Variants in TENM1 observed in about 807,000 individuals in gnomAD.
TENM1 encodes the protein teneurin transmembrane protein 1.
Under a neutral mutation model 174.8 loss-of-function variants are expected in TENM1, and 35 were observed. That is an observed-to-expected ratio of 0.20 (90% CI 0.15 to 0.27). The LOEUF (loss-of-function observed/expected upper bound fraction) is 0.27, where lower values mean the gene tolerates loss of function less well. Ranked by LOEUF, TENM1 falls within the 10% of genes least tolerant of loss-of-function variation. The pLI, the probability that TENM1 is intolerant of heterozygous loss-of-function variation, is 1.00. For synonymous variants in TENM1, 781 were observed against 798.7 expected (o/e 0.98, Z 0.37); for missense variants, 1,633 against 2,130.1 (o/e 0.77, Z 4.59).
intron 27 of TENM1, among the ~76,000 whole-genome samples, chrX:124,403,781 C>G (rs1358368177): frequency 9.0e-6 from 1 of 111,100 alleles, no homozygotes. Context: ...TTTCAATTAC[C>G]TACTCCACCC....
At chrX:125,086,252 T>C in the TENM1 span, among the ~76,000 whole-genome samples, 1 of 111,351 alleles carries the variant, frequency 9.0e-6, no homozygotes, top group African/African-American at 3.2e-5. Flanking sequence ...CTTATTCATG[T>C]TTTAAAAACA....
intron 11 of TENM1, among the ~76,000 whole-genome samples, chrX:124,624,558 T>TA (rs2050593725): frequency 8.9e-6 from 1 of 111,891 alleles, no homozygotes; most frequent in Non-Finnish European, 1.9e-5. Flanking sequence ...ATTTTACAGA[T>TA]ATGGACAATG....
At chrX:124,970,089 A>G in the TENM1 span, among the ~76,000 whole-genome samples, 1 of 111,614 alleles carries the variant, frequency 9.0e-6, no homozygotes, top group Non-Finnish European at 1.9e-5. Flanking sequence ...ATTGTTTTGA[A>G]TCCATGGACC....
chrX:124,778,199 A>T (rs2054827229), intron 3 of TENM1, among the ~76,000 whole-genome samples: 1 of 112,776 alleles, frequency 8.9e-6, no homozygotes, highest in African/African-American at 3.2e-5. Context: ...AGAATCTGCA[A>T]CTGGCCTGCG....
At chrX:124,590,228 T>A (rs1003869565) in intron 11 of TENM1, among the ~76,000 whole-genome samples, 2 of 111,657 alleles carry the variant, frequency 1.8e-5, no homozygotes, top group African/African-American at 6.5e-5. Flanking sequence ...TTTTGAGAGA[T>A]CTTCTCAGTA....
At chrX:124,895,863 G>C (rs1189863644) in intron 2 of TENM1, 118 bp downstream of exon 5, 2 of 895,597 alleles carry the variant, frequency 2.2e-6, no homozygotes, top group East Asian at 6.3e-5. Context: ...CTGCTAACTT[G>C]TATTTCCATT....
chrX:124,515,002 T>C (rs1299557068), intron 18 of TENM1, among the ~76,000 whole-genome samples: 6 of 111,545 alleles, frequency 5.4e-5, no homozygotes. Context: ...TAATCCACTA[T>C]GTTCAAGTAT....
chrX:124,588,644 T>C (rs2148245092), intron 11 of TENM1, among the ~76,000 whole-genome samples: 1 of 110,774 alleles, frequency 9.0e-6, no homozygotes, highest in Admixed American at 9.6e-5. Flanking sequence ...TATACATATG[T>C]AACTAACCTG....
the TENM1 span, among the ~76,000 whole-genome samples, chrX:125,160,571 AG>A: frequency 1.1e-5 from 1 of 94,343 alleles, no homozygotes; most frequent in African/African-American, 3.8e-5. Flanking sequence ...AAAAAAAAAC[AG>A]AGAGAGAGAG....
chrX:125,192,430 CAG>C, the TENM1 span, among the ~76,000 whole-genome samples: 1 of 111,860 alleles, frequency 8.9e-6, no homozygotes, highest in African/African-American at 3.2e-5. Flanking sequence ...AGAGAGCAGA[CAG>C]ATCATAAGAT....
intron 3 of TENM1, among the ~76,000 whole-genome samples, chrX:124,815,969 G>A (rs926867906): frequency 9.8e-5 from 11 of 111,836 alleles, no homozygotes; most frequent in African/African-American, 3.6e-4. Flanking sequence ...AGATTTGGAA[G>A]TAAGTAAAAG....
chrX:124,478,207 T>G (rs1009512105), intron 22 of TENM1, among the ~76,000 whole-genome samples: 2 of 112,623 alleles, frequency 1.8e-5, no homozygotes, highest in Middle Eastern at 4.6e-3. Flanking sequence ...CCTGTCTATC[T>G]TCGTGTTCGG....
chrX:124,563,598 A>G lies in TENM1; in HGVS notation c.2287+151T>C, dbSNP rs1183196697. ...AATTACCTTTTAGTGTGACTATTTT[A>G]GCATGAAACTGACAACATTATATTT... On this transcript the variant is annotated intron_variant, in intron 13 of 31. Coordinates refer to ENST00000422452, the Ensembl canonical transcript of TENM1. 6.7e-6 allele frequency: 3 copies of G among 446,614 alleles called. No homozygotes were observed. The East Asian group carries it at 1.2e-4, about 18-fold the overall frequency. 36.8% of individuals were successfully genotyped at this position (446,614 alleles called of 1,213,427 possible).
chrX:124,506,489 T>C (rs149899569), intron 18 of TENM1, among the ~76,000 whole-genome samples: 6 of 111,678 alleles, frequency 5.4e-5, no homozygotes, highest in African/African-American at 1.6e-4. Context: ...CCACAGCAAA[T>C]AGCAACAAGG....
At chrX:124,948,931 C>G (rs1005426850) in intron 1 of TENM1, among the ~76,000 whole-genome samples, 1 of 111,836 alleles carries the variant, frequency 8.9e-6, no homozygotes, top group African/African-American at 3.3e-5. Context: ...ACTGTAGTTA[C>G]CATGATAGGA....
chrX:125,110,608 T>A, the TENM1 span, among the ~76,000 whole-genome samples: 2 of 109,531 alleles, frequency 1.8e-5, no homozygotes, highest in Non-Finnish European at 3.8e-5. Context: ...TCCTTCTGGG[T>A]CCTCACTGAC....
intron 3 of TENM1, among the ~76,000 whole-genome samples, chrX:124,857,491 T>C (rs970506534): frequency 1.8e-5 from 2 of 111,283 alleles, no homozygotes; most frequent in African/African-American, 6.5e-5. Context: ...CAGACACAAA[T>C]TGACAAATAT....
chrX:124,470,208 C>T (rs2061284151), intron 22 of TENM1, among the ~76,000 whole-genome samples: 1 of 112,013 alleles, frequency 8.9e-6, no homozygotes, highest in African/African-American at 3.2e-5. Context: ...AAACAAGCAA[C>T]AAGTATATCA....
At chrX:124,591,302 A>G (rs769237639) in intron 11 of TENM1, among the ~76,000 whole-genome samples, 24 of 111,276 alleles carry the variant, frequency 2.2e-4, no homozygotes, top group Admixed American at 1.2e-3. Flanking sequence ...TGTAGTTTCT[A>G]TTGTGTACTT....
Sources: allele counts gnomAD v4.1 joint callset (sites outside exome capture counted in the v4.1 genomes callset), GRCh38; gene constraint gnomAD v4.1.1; transcripts MANE v1.5; gene names NCBI Gene and HGNC (gene_info 2026-07-23, HGNC 2026-07-21).